Variants in CDKAL1 observed in about 807,000 individuals in gnomAD.
CDKAL1 encodes the protein threonylcarbamoyladenosine tRNA methylthiotransferase.
Under a neutral mutation model 68.2 loss-of-function variants are expected in CDKAL1, and 32 were observed. The observed-to-expected ratio is 0.47, with a 90% CI of 0.35 to 0.63. CDKAL1 has a LOEUF of 0.63. CDKAL1 is among the 30% of genes least tolerant of loss of function. The probability of loss-of-function intolerance (pLI) is 0.00; values close to 1 mark genes in which losing one functional copy is unlikely to be tolerated. For synonymous variants in CDKAL1, 234 were observed against 244.3 expected, an observed-to-expected ratio of 0.96 and a Z score of 0.39; for missense variants, 606 against 696.7, an observed-to-expected ratio of 0.87 and a Z score of 1.47.
chr6:20,971,378 A>G (rs1175306690), intron 10 of CDKAL1, among the ~76,000 whole-genome samples: 1 of 152,218 alleles, frequency 6.6e-6, no homozygotes, highest in Non-Finnish European at 1.5e-5. Flanking sequence ...ACATCAGGTG[A>G]TTGGACATTT....
chr6:20,885,999 G>T (rs6926335), intron 9 of CDKAL1, among the ~76,000 whole-genome samples: 83,437 of 151,916 alleles, frequency 0.55, 23,231 homozygotes, highest in African/African-American at 0.61. Flanking sequence ...ATCATGCCAC[G>T]ACACTCCAGC....
rs60684282 is a variant in CDKAL1 at position 20,623,843 on chromosome 6, C to T, written c.287-25450C>T. On this transcript the variant is annotated intron_variant, in intron 4 of 15. Transcript: ENST00000274695. ...TGTTCCACTATTTGTAATGTTTGGCCTTGGCTTACTTAAGCCCAGGTTCTT... is the reference window on the plus strand; with the variant it reads ...TGTTCCACTATTTGTAATGTTTGGCTTTGGCTTACTTAAGCCCAGGTTCTT... Among the ~76,000 whole-genome samples the T allele has an allele frequency of 1.5e-3, 226 of 152,146 alleles. 2 individuals are homozygous for T. Among genetic ancestry groups the T allele is most frequent in the African/African-American group, 5.2e-3 (214 of 41,546 alleles).
intron 11 of CDKAL1, among the ~76,000 whole-genome samples, chr6:21,023,176 T>C (rs1240489058): frequency 1.3e-5 from 2 of 152,176 alleles, no homozygotes; most frequent in Admixed American, 1.3e-4. Context: ...AGTAACAATT[T>C]ATTTTTATTT....
At chr6:20,609,267 C>T (rs143909498) in intron 4 of CDKAL1, among the ~76,000 whole-genome samples, 4 of 22,292 alleles carry the variant, frequency 1.8e-4, no homozygotes, top group Admixed American at 1.2e-3. Context: ...CTTCCTTCCT[C>T]CTCCTTCTCC....
At chr6:21,160,040 T>G (rs1001696525) in intron 13 of CDKAL1, among the ~76,000 whole-genome samples, 44 of 152,334 alleles carry the variant, frequency 2.9e-4, no homozygotes, top group Admixed American at 2.6e-3. Context: ...ATAGGATTTG[T>G]TCTTGTGATT....
intron 12 of CDKAL1, among the ~76,000 whole-genome samples, chr6:21,090,655 T>TC (rs148469999): frequency 0.011 from 1,712 of 152,318 alleles, 25 homozygotes; most frequent in African/African-American, 0.039. Flanking sequence ...TCAAACTTTT[T>TC]CACTTTTTAT....
intron 13 of CDKAL1, among the ~76,000 whole-genome samples, chr6:21,122,257 G>A (rs1193960833): frequency 6.6e-6 from 1 of 152,110 alleles, no homozygotes; most frequent in Non-Finnish European, 1.5e-5. Context: ...TACAAATCAC[G>A]TGGTCTTGGA....
intron 4 of CDKAL1, among the ~76,000 whole-genome samples, chr6:20,569,562 A>G (rs890900430): frequency 2.6e-5 from 4 of 152,200 alleles, no homozygotes; most frequent in Non-Finnish European, 5.9e-5. Flanking sequence ...TGTCATACTA[A>G]TTAGCATTGA....
At chr6:20,797,765 T>G (rs554755432) in intron 8 of CDKAL1, among the ~76,000 whole-genome samples, 6 of 45,588 alleles carry the variant, frequency 1.3e-4, no homozygotes, top group African/African-American at 4.6e-4. Flanking sequence ...GATTGCTTTA[T>G]TTTATTTTAT....
intron 8 of CDKAL1, among the ~76,000 whole-genome samples, chr6:20,799,342 G>A (rs138591601): frequency 0.012 from 1,774 of 152,096 alleles, 32 homozygotes; most frequent in African/African-American, 0.04. Context: ...GTGAGCCACC[G>A]TGCCCGGCCT....
At chr6:20,809,563 A>T (rs9348444) in intron 8 of CDKAL1, among the ~76,000 whole-genome samples, 102,468 of 152,026 alleles carry the variant, frequency 0.67, 35,124 homozygotes, top group African/African-American at 0.78. Context: ...TCCTGGCCTT[A>T]GAGGAGGCAA....
chr6:21,096,206 G>C (rs902176197), intron 12 of CDKAL1, among the ~76,000 whole-genome samples: 1 of 152,154 alleles, frequency 6.6e-6, no homozygotes, highest in Non-Finnish European at 1.5e-5. Context: ...GGGGTTATTC[G>C]GGGTAGGGAG....
At chr6:20,780,092 C>A in intron 7 of CDKAL1, among the ~76,000 whole-genome samples, 2 of 136,878 alleles carry the variant, frequency 1.5e-5, no homozygotes, top group Non-Finnish European at 3.1e-5. Context: ...CTTAAAAAAC[C>A]TAACCTTAAA....
intron 10 of CDKAL1, among the ~76,000 whole-genome samples, chr6:20,988,866 G>A (rs933750748): frequency 6.7e-6 from 1 of 148,868 alleles, no homozygotes; most frequent in African/African-American, 2.5e-5. Context: ...CACCACGTTG[G>A]CCAGGATGGT....
intron 9 of CDKAL1, among the ~76,000 whole-genome samples, chr6:20,912,543 C>G (rs1762512957): frequency 6.6e-6 from 1 of 152,134 alleles, no homozygotes; most frequent in South Asian, 2.1e-4. Context: ...AGAATGAAAT[C>G]AAAGACACCT....
intron 10 of CDKAL1, among the ~76,000 whole-genome samples, chr6:20,990,459 C>T (rs944143101): frequency 2.0e-5 from 3 of 152,186 alleles, no homozygotes; most frequent in Admixed American, 1.3e-4. Flanking sequence ...ACGCTAATTA[C>T]AACAGATGTT....
chr6:20,584,095 G>GT (rs1765246676), intron 4 of CDKAL1, among the ~76,000 whole-genome samples: 1 of 117,048 alleles, frequency 8.5e-6, no homozygotes, highest in Non-Finnish European at 1.8e-5. Flanking sequence ...CATTTGATTT[G>GT]TTTTCAATAT....
intron 5 of CDKAL1, among the ~76,000 whole-genome samples, chr6:20,669,339 G>A (rs770034056): frequency 1.3e-5 from 2 of 152,126 alleles, no homozygotes; most frequent in Non-Finnish European, 1.5e-5. Flanking sequence ...GCTACAGAAT[G>A]AGTCTCTTTT....
intron 8 of CDKAL1, among the ~76,000 whole-genome samples, chr6:20,831,567 C>A (rs948589348): frequency 6.6e-6 from 1 of 152,124 alleles, no homozygotes; most frequent in African/African-American, 2.4e-5. Context: ...ATCAGACCAG[C>A]AGCAGACCAC....
Sources: allele counts gnomAD v4.1 joint callset (sites outside exome capture counted in the v4.1 genomes callset), GRCh38; gene constraint gnomAD v4.1.1; transcripts MANE v1.5; gene names NCBI Gene and HGNC (gene_info 2026-07-23, HGNC 2026-07-21).